Variants in SPTAN1 observed in about 807,000 individuals in gnomAD.
SPTAN1 encodes the protein spectrin alpha chain, non-erythrocytic 1.
SPTAN1 carries 61 observed loss-of-function variants against 331.3 expected under a neutral mutation model. That is an observed-to-expected ratio of 0.18 (90% confidence interval 0.15 to 0.23). The LOEUF (loss-of-function observed/expected upper bound fraction) is 0.23. Ranked by LOEUF, SPTAN1 falls within the 10% of genes least tolerant of loss-of-function variation. The probability of loss-of-function intolerance (pLI) is 1.00; values close to 1 mark genes in which losing one functional copy is unlikely to be tolerated. For missense variants in SPTAN1, 2,043 were observed against 3,147.9 expected (o/e 0.65, Z 8.40); for synonymous variants, 1,153 against 1,173.9 (o/e 0.98, Z 0.36).
At chr9:128,586,119 T>G (rs1445333381) in intron 19 of SPTAN1, among the ~76,000 whole-genome samples, 154 bp downstream of exon 19, 1 of 132,954 alleles carries the variant, frequency 7.5e-6, no homozygotes, top group Admixed American at 7.6e-5. Flanking sequence ...TTGGTTTTTT[T>G]TTTTTTTTTT....
At position 128,633,451 on chromosome 9, in the gene SPTAN1, A is replaced by AGACTT. The variant is rs1860169821; in HGVS notation, c.*118_*122dup. The AGACTT allele has an allele frequency of 3.9e-6, 6 of 1,544,988 alleles. No individual in the cohort carries two copies. Among genetic ancestry groups the AGACTT allele is most frequent in the Middle Eastern group, 2.0e-4 (1 of 5,022 alleles). ...CCTTAAGCCTGCTTAGCTTGGAATA[A>AGACTT]GACTTAGGAGAAAATGGTGCTTCAC... is the stretch of plus-strand genomic sequence containing the variant. On this transcript the variant is annotated 3_prime_UTR_variant, in exon 57 of 57. Coordinates refer to ENST00000372739, the MANE Select transcript of SPTAN1 (RefSeq NM_001130438.3).
chr9:128,593,917 A>T (rs1853870724), intron 23 of SPTAN1: 1 of 490,006 alleles, frequency 2.0e-6, no homozygotes, highest in African/African-American at 1.9e-5. Context: ...TAAGTGCAGA[A>T]TCGGCCTGGG....
rs773333330 is a variant in SPTAN1 at position 128,591,571 on chromosome 9, A to G, written c.3101A>G (p.Asn1034Ser). 6.8e-6 allele frequency: 11 copies of G among 1,614,034 alleles called. No homozygotes were observed. The East Asian group carries it at 2.0e-4, about 29-fold the overall frequency. The change falls in exon 22 of 57, where the codon AAT becomes AGT. Residue 1034 changes from asparagine to serine, a missense_variant. This residue lies in a region of SPTAN1 where 1,038 missense variants were observed against 1,531.5 expected (regional missense o/e 0.68). Coordinates refer to ENST00000372739, the MANE Select transcript of SPTAN1 (RefSeq NM_001130438.3). ...CCCGCCCAGTCAGCCTCCCGGGAGA[A>G]TCTCCTGGAGGAGCAAGGCAGCATA... ...LDPAQSASRE[N>S]LLEEQGSIAL... is the part of the protein sequence containing the mutation.
intron 26 of SPTAN1, chr9:128,599,643 C>T (rs1243702350): frequency 1.1e-5 from 2 of 177,748 alleles, no homozygotes; most frequent in East Asian, 1.5e-4. Flanking sequence ...CTCAGCCTCC[C>T]AGGTATCTAG....
chr9:128,605,305 C>A lies in SPTAN1; in HGVS notation c.3874C>A (p.Leu1292Ile), dbSNP rs1421999331. Residue 1292 changes from leucine (L) to isoleucine (I), a missense_variant, in exon 31 of 57, where the codon CTT becomes ATT. Physicochemically the swap from Leu to Ile is conservative, Grantham distance 5. Coordinates refer to ENST00000372739, the MANE Select transcript of SPTAN1 (RefSeq NM_001130438.3). ...LAALGDKVNS[L>I]GETAERLIQS... The stretch of plus-strand genomic sequence containing the variant: ...CACTTTCTTCCCATAGGTAAACTCC[C>A]TTGGTGAAACAGCAGAGCGCCTGAT... The A allele has an allele frequency of 6.2e-7, 1 of 1,614,062 alleles. No homozygotes were observed. The highest frequency in any genetic ancestry group is 8.5e-7 in the Non-Finnish European group (1 of 1,180,036).
chr9:128,611,579 C>T, intron 37 of SPTAN1, 135 bp from the exon 38 acceptor site: 1 of 984,084 alleles, frequency 1.0e-6, no homozygotes, highest in East Asian at 2.6e-5. Context: ...CTCCAATTGC[C>T]TTCTGTTAAA....
intron 3 of SPTAN1, 119 bp from the exon 4 acceptor site, chr9:128,574,556 T>G: frequency 8.3e-7 from 1 of 1,199,448 alleles, no homozygotes; most frequent in Non-Finnish European, 1.2e-6. Flanking sequence ...GGGATTATCT[T>G]TTAAAAATAT....
chr9:128,632,534 G>T, intron 54 of SPTAN1, 38 bp from the exon 55 acceptor site: 2 of 1,614,128 alleles, frequency 1.2e-6, no homozygotes, highest in Non-Finnish European at 1.7e-6. Context: ...TTCGGCAGCA[G>T]GGCTGCCTGC....
chr9:128,582,275 G>T (rs1297563438), intron 12 of SPTAN1, among the ~76,000 whole-genome samples: 1 of 152,156 alleles, frequency 6.6e-6, no homozygotes, highest in Non-Finnish European at 1.5e-5. Flanking sequence ...TGGAGGTAGT[G>T]CAGTCTTATG....
chr9:128,579,800 G>T lies in SPTAN1; in HGVS notation c.1323+62G>T. 4.5e-6 allele frequency: 6 copies of T among 1,319,574 alleles called. No homozygotes were observed. The South Asian group carries it at 7.3e-5, about 16-fold the overall frequency. 81.7% of individuals were successfully genotyped at this position (1,319,574 alleles called of 1,614,324 possible). On this transcript the variant is annotated intron_variant, in intron 10 of 56. Coordinates refer to ENST00000372739, the MANE Select transcript of SPTAN1 (RefSeq NM_001130438.3). ...TACACCTTTCACTAAGTCTCTGAAA[G>T]CTATTATTCATCCTTAAATATCCAG...
Position 128,619,022 on chromosome 9 carries a change from G to A in SPTAN1, c.5733+19G>A. ...CATCCAGGTGAGACAGAAACCAAAG[G>A]TGTCACCTGCTTTCTCTCTTGGCAA... On this transcript the variant is annotated intron_variant, in intron 44 of 56. Coordinates refer to ENST00000372739, the MANE Select transcript of SPTAN1 (RefSeq NM_001130438.3). The A allele has an allele frequency of 6.2e-7, 1 of 1,613,190 alleles. No individual in the cohort carries two copies. The highest frequency in any genetic ancestry group is 8.5e-7 in the Non-Finnish European group (1 of 1,179,838).
chr9:128,621,155 C>G lies in SPTAN1; in HGVS notation c.5734-3C>G. The G allele has an allele frequency of 6.2e-7, 1 of 1,614,104 alleles. No individual in the cohort carries two copies. Among genetic ancestry groups the G allele is most frequent in the Non-Finnish European group, 8.5e-7 (1 of 1,179,980 alleles). The stretch of plus-strand genomic sequence containing the variant: ...TAGTGTGCCTTGGCTGCTTCTACTC[C>G]AGGGCTTACTGAAGAAACATGAAGC... On this transcript the variant is annotated splice_region_variant and splice_polypyrimidine_tract_variant and intron_variant, in intron 44 of 56. Transcript: ENST00000372739.
intron 3 of SPTAN1, among the ~76,000 whole-genome samples, chr9:128,570,324 ATATATATTTTTTTTT>A (rs1163157641): frequency 4.0e-4 from 13 of 32,210 alleles, no homozygotes; most frequent in Non-Finnish European, 7.1e-4. Flanking sequence ...ATATATATAT[ATATATATTTTTTTTT>A]TTTTTTTTTT....
chr9:128,563,195 C>T (rs756506424), intron 1 of SPTAN1, among the ~76,000 whole-genome samples: 16 of 151,858 alleles, frequency 1.1e-4, no homozygotes, highest in Non-Finnish European at 1.5e-4. Context: ...GCATGTGTAT[C>T]ACTTGAGTCC....
intron 31 of SPTAN1, among the ~76,000 whole-genome samples, chr9:128,606,206 CTAAAAA>C (rs1350318618): frequency 6.6e-6 from 1 of 150,920 alleles, no homozygotes; most frequent in African/African-American, 2.4e-5. Flanking sequence ...CCCATCTCTA[CTAAAAA>C]TACAAACCAG....
In SPTAN1 at chr9:128,603,529, T is replaced by A. The variant is rs1257224333; in HGVS notation, c.3580-14T>A. 4 of 1,614,046 alleles carry A rather than the reference T, an allele frequency of 2.5e-6. No homozygotes were observed. The highest frequency in any genetic ancestry group is 3.4e-6 in the Non-Finnish European group (4 of 1,180,028). Reference sequence around the variant, plus strand: ...ACTTGATTAGTTTTGCCTTCTGCTTTCCTCCCTACCTAGTCTGCTCGTCTG... The same window carrying A: ...ACTTGATTAGTTTTGCCTTCTGCTTACCTCCCTACCTAGTCTGCTCGTCTG... On this transcript the variant is annotated splice_polypyrimidine_tract_variant and intron_variant, in intron 27 of 56. Transcript: ENST00000372739.
At chr9:128,556,625 C>T (rs1047836253) in intron 1 of SPTAN1, among the ~76,000 whole-genome samples, 12 of 152,186 alleles carry the variant, frequency 7.9e-5, no homozygotes, top group Non-Finnish European at 1.2e-4. Context: ...CAGTATGAAT[C>T]TTTTGCTTTC....
intron 19 of SPTAN1, among the ~76,000 whole-genome samples, chr9:128,586,565 ATACT>A (rs1469581461): frequency 6.6e-6 from 1 of 152,184 alleles, no homozygotes; most frequent in Non-Finnish European, 1.5e-5. Flanking sequence ...GCTTACATAC[ATACT>A]AACATACCAA....
chr9:128,559,988 G>C (rs1849109407), intron 1 of SPTAN1, among the ~76,000 whole-genome samples: 1 of 151,834 alleles, frequency 6.6e-6, no homozygotes, highest in Non-Finnish European at 1.5e-5. Flanking sequence ...ACCCGCCTTG[G>C]CCTCCCAAAG....
Sources: gnomAD v4.1 joint callset for allele counts (sites outside exome capture counted in the v4.1 genomes callset) on GRCh38, gnomAD v4.1.1 for gene constraint, gnomAD v4.1.1 regional missense constraint, MANE v1.5 for transcripts, NCBI Gene and HGNC (gene_info 2026-07-23, HGNC 2026-07-21) for gene names.